SNHG17: variants seen among roughly 807,000 people sequenced by gnomAD.
SNHG17 encodes the protein small nucleolar RNA host gene 17 (non-protein coding).
At chr20:38,435,143 A>G (rs1353648834) in intron 1 of SNHG17, 1 of 1,232,322 alleles carries the variant, frequency 8.1e-7, no homozygotes, top group Admixed American at 4.2e-5. Context: ...CCGGGGCCTC[A>G]GTTTCCCCCG....
intron 2 of SNHG17, among the ~76,000 whole-genome samples, chr20:38,433,543 G>A (rs1010742329): frequency 1.3e-5 from 2 of 152,104 alleles, no homozygotes; most frequent in African/African-American, 4.8e-5. Context: ...CTATGATCAC[G>A]CCACTGCACA....
At chr20:38,433,931 G>A (rs1446952729) in intron 2 of SNHG17, 4 of 519,204 alleles carry the variant, frequency 7.7e-6, no homozygotes, top group Admixed American at 3.9e-5. Flanking sequence ...AGCACTTTCC[G>A]CGATTTCTCT....
At chr20:38,420,870 C>T (rs1440811422) in exon 8 of SNHG17, 1 of 152,232 alleles carries the variant, frequency 6.6e-6, no homozygotes, top group Non-Finnish European at 1.5e-5. Flanking sequence ...TTCTCTGCCC[C>T]TCTCGTGCCC....
intron 2 of SNHG17, chr20:38,433,969 G>A (rs1369204039): frequency 3.9e-6 from 2 of 519,116 alleles, no homozygotes; most frequent in African/African-American, 3.8e-5. Flanking sequence ...CCAGGGCACA[G>A]GCAGCCCACG....
intron 1 of SNHG17, chr20:38,435,183 T>G (rs951791202): frequency 3.2e-6 from 4 of 1,232,008 alleles, no homozygotes; most frequent in Non-Finnish European, 4.0e-6. Context: ...CCATGCGCCC[T>G]GCTGTGGACT....
chr20:38,424,002 T>G (rs918238328), intron 5 of SNHG17, among the ~76,000 whole-genome samples: 1 of 151,954 alleles, frequency 6.6e-6, no homozygotes, highest in African/African-American at 2.4e-5. Context: ...TGAAACCCCA[T>G]CTCTACTAAA....
intron 2 of SNHG17, among the ~76,000 whole-genome samples, chr20:38,431,612 C>T (rs888516809): frequency 1.3e-5 from 2 of 152,194 alleles, no homozygotes; most frequent in South Asian, 2.1e-4. Context: ...AAGATAGGGA[C>T]GGTGTGATCC....
At chr20:38,432,690 C>T (rs1201758996) in intron 2 of SNHG17, among the ~76,000 whole-genome samples, 1 of 152,198 alleles carries the variant, frequency 6.6e-6, no homozygotes, top group Non-Finnish European at 1.5e-5. Flanking sequence ...TGTCACCTTA[C>T]AACTGAAGTC....
intron 6 of SNHG17, chr20:38,421,619 T>G (rs1488353026): frequency 6.6e-6 from 1 of 152,214 alleles, no homozygotes; most frequent in Non-Finnish European, 1.5e-5. Context: ...GCCCAAGCTC[T>G]GAAAGCCTAG....
At chr20:38,423,047 G>A (rs926913127) in intron 5 of SNHG17, among the ~76,000 whole-genome samples, 1 of 150,846 alleles carries the variant, frequency 6.6e-6, no homozygotes, top group African/African-American at 2.4e-5. Context: ...AGCTGAGATC[G>A]CACCACTGCA....
chr20:38,429,080 T>C (rs747055666), intron 3 of SNHG17: 266 of 152,478 alleles, frequency 1.7e-3, no homozygotes, highest in Non-Finnish European at 3.2e-3. Flanking sequence ...TTCTCGTTTT[T>C]CTTTCTTGAG....
In SNHG17 at chr20:38,435,291, G is replaced by A. The variant is rs1600774319; in HGVS notation, n.91C>T. 1.1e-5 allele frequency: 13 copies of A among 1,231,720 alleles called. No homozygotes were observed. The South Asian group carries it at 2.5e-4, about 23-fold the overall frequency. The allele number at this position is 1,231,720 out of a possible 1,614,324, so 76.3% of individuals were successfully genotyped here. On this transcript the variant is annotated non_coding_transcript_exon_variant, in exon 1 of 9. Coordinates refer to ENST00000654008, the Ensembl canonical transcript of SNHG17. ...ATTTCGAGAGATGGGGTGCGGTGGC[G>A]TGCGATGGCGAAGGACGGCGAGGGA...
chr20:38,427,712 A>G (rs2084273185), intron 3 of SNHG17: 1 of 162,184 alleles, frequency 6.2e-6, no homozygotes, highest in Admixed American at 6.2e-5. Flanking sequence ...TTGAGATTCA[A>G]AACAGGTCAG....
intron 5 of SNHG17, chr20:38,425,152 G>A (rs762845992): frequency 1.4e-5 from 7 of 505,306 alleles, no homozygotes; most frequent in South Asian, 2.8e-5. Flanking sequence ...GGTCTGGCAC[G>A]ACAACCAGGT....
At chr20:38,424,947 T>C (rs1041308453) in intron 5 of SNHG17, 1 of 253,752 alleles carries the variant, frequency 3.9e-6, no homozygotes, top group South Asian at 4.4e-5. Context: ...AGGGTTGCCA[T>C]GTGGAGGTTA....
At chr20:38,421,653 A>C (rs1332980708) in intron 6 of SNHG17, 1 of 152,282 alleles carries the variant, frequency 6.6e-6, no homozygotes, top group Admixed American at 6.5e-5. Flanking sequence ...GCAGCGTGGG[A>C]AAGCTCCAGG....
intron 2 of SNHG17, chr20:38,431,954 C>A: frequency 3.1e-6 from 3 of 975,228 alleles, no homozygotes; most frequent in Non-Finnish European, 3.7e-6. Flanking sequence ...ATGCACCCAC[C>A]CTTGTGGGAC....
chr20:38,426,359 C>G (rs2084248890), intron 4 of SNHG17: 1 of 152,376 alleles, frequency 6.6e-6, no homozygotes, highest in Non-Finnish European at 1.5e-5. Context: ...GACCTCAAAG[C>G]CTTCGTCCTT....
At chr20:38,427,557 C>A in intron 3 of SNHG17, 1 of 276,002 alleles carries the variant, frequency 3.6e-6, no homozygotes, top group Non-Finnish European at 7.5e-6. Context: ...CTGTAAAATC[C>A]CATAAAACCT....
Sources: allele counts gnomAD v4.1 joint callset (sites outside exome capture counted in the v4.1 genomes callset), GRCh38; gene constraint gnomAD v4.1.1; transcripts MANE v1.5; gene names NCBI Gene and HGNC (gene_info 2026-07-23, HGNC 2026-07-21).